Variants in DCDC1 observed in about 807,000 individuals in gnomAD.
DCDC1 encodes doublecortin domain containing 1, also known as doublecortin domain-containing protein 1.
A neutral mutation model predicts 178.3 loss-of-function variants in DCDC1; 200 were observed. That is an observed-to-expected ratio of 1.12 (90% CI 1.00 to 1.26). The LOEUF (loss-of-function observed/expected upper bound fraction) is 1.26, where lower values mean the gene tolerates loss of function less well. Among genes scored for constraint, DCDC1 ranks in the 50% most tolerant of loss-of-function variants. The pLI, the probability that DCDC1 is intolerant of heterozygous loss-of-function variation, is 0.00. For missense variants in DCDC1, 1,983 were observed against 1,749.2 expected (o/e 1.13, Z -2.38); for synonymous variants, 690 against 604.8 (o/e 1.14, Z -2.07).
intron 9 of DCDC1, among the ~76,000 whole-genome samples, chr11:31,152,462 T>G: frequency 6.6e-6 from 1 of 152,098 alleles, no homozygotes; most frequent in East Asian, 1.9e-4. Context: ...AAATCAGGAG[T>G]TGCTGAGAGT....
intron 1 of DCDC1, among the ~76,000 whole-genome samples, chr11:31,341,566 T>C (rs1950549868): frequency 6.6e-6 from 1 of 152,190 alleles, no homozygotes; most frequent in Admixed American, 6.5e-5. Flanking sequence ...CTCTATAGTA[T>C]AGCTGATTGG....
At chr11:31,055,217 A>G (rs1955506640) in intron 20 of DCDC1, among the ~76,000 whole-genome samples, 2 of 152,214 alleles carry the variant, frequency 1.3e-5, no homozygotes, top group South Asian at 4.1e-4. Context: ...CAAATGGCCA[A>G]CAAACATATG....
rs117605756 is a variant in DCDC1, at chr11:31,172,566, A to C, written c.1222-34782T>G. Among the ~76,000 whole-genome samples, 6 of 152,330 alleles carry C rather than the reference A, an allele frequency of 3.9e-5. No individual in the cohort carries two copies. The East Asian group carries it at 1.2e-3, about 29-fold the overall frequency. On this transcript the variant is annotated intron_variant, in intron 9 of 38. Coordinates refer to ENST00000684477, the MANE Select transcript of DCDC1 (RefSeq NM_001387274.1). Reference sequence around the variant, plus strand: ...ATAACCTTTTACTCCTCTAAAATTTAGTAACAGCCTACTCTTGACCAGAAG... The same window carrying C: ...ATAACCTTTTACTCCTCTAAAATTTCGTAACAGCCTACTCTTGACCAGAAG...
intron 20 of DCDC1, among the ~76,000 whole-genome samples, chr11:30,983,009 T>C (rs1281663091): frequency 6.6e-6 from 1 of 152,194 alleles, no homozygotes; most frequent in East Asian, 1.9e-4. Context: ...GCATCACTTA[T>C]TTTAAAAATA....
chr11:30,868,360 C>T (rs1482105874), intron 38 of DCDC1, among the ~76,000 whole-genome samples: 1 of 149,928 alleles, frequency 6.7e-6, no homozygotes, highest in Non-Finnish European at 1.5e-5. Context: ...CAGAGATTCT[C>T]CTGCCTCAGC....
intron 20 of DCDC1, among the ~76,000 whole-genome samples, chr11:30,990,512 A>T (rs1472551849): frequency 6.6e-6 from 1 of 152,170 alleles, no homozygotes; most frequent in East Asian, 1.9e-4. Flanking sequence ...AAAATATAAG[A>T]GACAAGATGT....
chr11:31,012,621 A>G lies in DCDC1; in HGVS notation c.2591+51848T>C, dbSNP rs61576552. Among the ~76,000 whole-genome samples the G allele has an allele frequency of 8.5e-4, 129 of 151,536 alleles. No homozygotes were observed. The East Asian group carries it at 0.025, about 29-fold the overall frequency. On this transcript the variant is annotated intron_variant, in intron 20 of 38. Transcript: ENST00000684477. ...CCCTGTCTCAACAAAAAAAAAAAAA[A>G]GAAAAGAAAAGAAAGAAAATAGAAA... is the stretch of plus-strand genomic sequence containing the variant.
chr11:31,242,853 C>G (rs757849499), intron 8 of DCDC1, among the ~76,000 whole-genome samples: 16 of 151,820 alleles, frequency 1.1e-4, no homozygotes, highest in Non-Finnish European at 2.1e-4. Context: ...TTCCACAACT[C>G]TCTACCAAAG....
intron 17 of DCDC1, among the ~76,000 whole-genome samples, chr11:31,080,173 T>G (rs888899630): frequency 1.3e-5 from 2 of 151,996 alleles, no homozygotes; most frequent in Non-Finnish European, 2.9e-5. Flanking sequence ...GGTCCAGAAC[T>G]AAAATGATGG....
At chr11:30,886,046 G>C (rs1028946028) in intron 36 of DCDC1, among the ~76,000 whole-genome samples, 8 of 151,792 alleles carry the variant, frequency 5.3e-5, no homozygotes, top group African/African-American at 1.9e-4. Context: ...AATTATATGG[G>C]GAAAAAGTGG....
intron 35 of DCDC1, among the ~76,000 whole-genome samples, chr11:30,893,336 G>A (rs1408747854): frequency 6.6e-6 from 1 of 152,166 alleles, no homozygotes; most frequent in Non-Finnish European, 1.5e-5. Flanking sequence ...AGATTTCTCT[G>A]CATCTAACAA....
In DCDC1 at chr11:31,115,913, C is replaced by A. The variant is rs116541909; in HGVS notation, c.1486-5552G>T. On this transcript the variant is annotated intron_variant, in intron 11 of 38. Coordinates refer to ENST00000684477, the MANE Select transcript of DCDC1 (RefSeq NM_001387274.1). ...ATGCAGGCTGCCCCGAGGGTGGGAG[C>A]CTAATCTTGGGAGAAGCAGCTCCTT... is the stretch of plus-strand genomic sequence containing the variant. Among the ~76,000 whole-genome samples, 1,011 of 145,496 alleles carry A rather than the reference C, an allele frequency of 6.9e-3. 14 individuals carry two copies. Among genetic ancestry groups the A allele is most frequent in the African/African-American group, 0.024 (958 of 39,332 alleles).
At chr11:31,220,414 A>C (rs973769409) in intron 9 of DCDC1, among the ~76,000 whole-genome samples, 36 of 152,354 alleles carry the variant, frequency 2.4e-4, no homozygotes, top group African/African-American at 8.7e-4. Context: ...CACTGCAAAG[A>C]TGTAAACATC....
intron 12 of DCDC1, among the ~76,000 whole-genome samples, chr11:31,107,917 T>C (rs943602117): frequency 3.9e-5 from 6 of 152,304 alleles, no homozygotes; most frequent in Admixed American, 3.9e-4. Flanking sequence ...TAGATATAGC[T>C]GTGGTCTTTT....
Position 30,900,407 on chromosome 11 carries a change from G to A in DCDC1, c.4602C>T (p.Leu1534=). 6.3e-7 allele frequency: 1 copy of A among 1,582,186 alleles called. No homozygotes were observed. The highest frequency in any genetic ancestry group is 8.6e-7 in the Non-Finnish European group (1 of 1,163,406). ...LDGIDKSLLT[L]ILRNPIAIWV... ...AGATGGCAATAGGATTTCTGAGGAT[G>A]AGGGTAAGCAAAGACTTGTCTATAC... Residue 1534 remains leucine (L), a synonymous_variant, in exon 33 of 39, where the codon CTC becomes CTT. Coordinates refer to ENST00000684477, the MANE Select transcript of DCDC1 (RefSeq NM_001387274.1).
intron 20 of DCDC1, among the ~76,000 whole-genome samples, chr11:30,990,394 G>C (rs1950910295): frequency 6.6e-6 from 1 of 152,162 alleles, no homozygotes. Context: ...GGATGCACCG[G>C]AAGATGCTCC....
At chr11:31,018,471 C>G (rs1017449252) in intron 20 of DCDC1, among the ~76,000 whole-genome samples, 1 of 152,174 alleles carries the variant, frequency 6.6e-6, no homozygotes, top group African/African-American at 2.4e-5. Flanking sequence ...ATGCCCTATG[C>G]TCCTCACAGG....
intron 20 of DCDC1, among the ~76,000 whole-genome samples, chr11:31,029,099 G>A (rs1953449607): frequency 6.6e-6 from 1 of 152,006 alleles, no homozygotes; most frequent in Admixed American, 6.6e-5. Context: ...TTCTTTTCCT[G>A]TTCCATTTCC....
chr11:30,873,344 CATATAT>C (rs71481498), intron 38 of DCDC1, among the ~76,000 whole-genome samples: 10 of 134,050 alleles, frequency 7.5e-5, no homozygotes, highest in African/African-American at 2.6e-4. Context: ...TGTGTATATA[CATATAT>C]ATATATATAT....
Sources: gnomAD v4.1 joint callset for allele counts (sites outside exome capture counted in the v4.1 genomes callset) on GRCh38, gnomAD v4.1.1 for gene constraint, MANE v1.5 for transcripts, NCBI Gene and HGNC (gene_info 2026-07-23, HGNC 2026-07-21) for gene names.